Variants in ADAM18 observed in about 807,000 individuals in gnomAD.
ADAM18 encodes the protein ADAM metallopeptidase domain 18.
In ADAM18, 117 loss-of-function variants were observed where a neutral mutation model predicts 94.4. That is an observed-to-expected ratio of 1.24 (90% CI 1.07 to 1.45). The LOEUF is 1.45. Among genes scored for constraint, ADAM18 ranks in the 40% most tolerant of loss-of-function variants. ADAM18 has a pLI of 0.00. For synonymous variants in ADAM18, 327 were observed against 291.6 expected (o/e 1.12, Z -1.24); for missense variants, 936 against 880.0 (o/e 1.06, Z -0.81).
intron 13 of ADAM18, among the ~76,000 whole-genome samples, chr8:39,666,135 T>G (rs1181500815): frequency 6.6e-6 from 1 of 152,196 alleles, no homozygotes; most frequent in African/African-American, 2.4e-5. Context: ...CCTCCTGGGC[T>G]GAAGCCATCC....
At chr8:39,586,794 ATCTATCTAT>A (rs1299997703) in intron 2 of ADAM18, among the ~76,000 whole-genome samples, 1 of 138,772 alleles carries the variant, frequency 7.2e-6, no homozygotes, top group Non-Finnish European at 1.6e-5. Flanking sequence ...CTATCTATCT[ATCTATCTAT>A]ATCTATCTAT....
At chr8:39,707,535 A>G (rs867066304) in intron 18 of ADAM18, among the ~76,000 whole-genome samples, 21 of 152,156 alleles carry the variant, frequency 1.4e-4, no homozygotes, top group African/African-American at 4.8e-4. Flanking sequence ...GTAGTTTGAG[A>G]TACATCTGCA....
At chr8:39,610,499 A>G (rs1256256901) in intron 5 of ADAM18, 30 bp from the exon 6 acceptor site, 1 of 1,562,344 alleles carries the variant, frequency 6.4e-7, no homozygotes, top group Admixed American at 1.9e-5. Flanking sequence ...GATTTTTATA[A>G]CTATTTTCTT....
chr8:39,694,292 T>G (rs1563309722), intron 17 of ADAM18, among the ~76,000 whole-genome samples: 1 of 151,386 alleles, frequency 6.6e-6, no homozygotes, highest in Admixed American at 6.6e-5. Context: ...CTATTATGAA[T>G]AAGTGTTAAA....
intron 18 of ADAM18, among the ~76,000 whole-genome samples, chr8:39,714,437 G>A (rs948498523): frequency 1.3e-5 from 2 of 151,860 alleles, no homozygotes; most frequent in East Asian, 1.9e-4. Context: ...TTAAAGTATA[G>A]TAACAATAAA....
In ADAM18 at chr8:39,723,801, C is replaced by A. The variant is rs746641797; in HGVS notation, c.2071C>A (p.Leu691Met). ...YNTHWNNWFI[L>M]SFCIFLPFFI... Reference sequence around the variant, plus strand: ...TACACACTGGAACAACTGGTTTATTCTGAGTTTCTGCATTTTTCTGCCGTT... The same window carrying A: ...TACACACTGGAACAACTGGTTTATTATGAGTTTCTGCATTTTTCTGCCGTT... The change falls in exon 19 of 20, where the codon CTG (leucine) becomes ATG (methionine). Residue 691 changes from leucine (L) to methionine (M), a missense_variant. Transcript: ENST00000265707. 9.5e-6 allele frequency: 15 copies of A among 1,587,272 alleles called. No individual in the cohort carries two copies. In the East Asian group the frequency reaches 3.2e-4, roughly 34 times the overall value.
intron 10 of ADAM18, among the ~76,000 whole-genome samples, chr8:39,639,533 A>G (rs996905482): frequency 6.6e-6 from 1 of 151,982 alleles, no homozygotes; most frequent in Non-Finnish European, 1.5e-5. Context: ...TATTGAAGTT[A>G]GAATGTAACA....
At chr8:39,595,129 T>C (rs1193449530) in intron 2 of ADAM18, among the ~76,000 whole-genome samples, 1 of 152,228 alleles carries the variant, frequency 6.6e-6, no homozygotes, top group African/African-American at 2.4e-5. Context: ...ATTTTCAGAT[T>C]GGATAATTTC....
At chr8:39,714,962 C>T (rs191955314) in intron 18 of ADAM18, among the ~76,000 whole-genome samples, 7 of 152,048 alleles carry the variant, frequency 4.6e-5, no homozygotes, top group East Asian at 1.9e-4. Flanking sequence ...ACCTTAATAC[C>T]ATGATCAGTC....
intron 17 of ADAM18, among the ~76,000 whole-genome samples, chr8:39,699,137 T>A (rs1821999102): frequency 6.6e-6 from 1 of 152,078 alleles, no homozygotes; most frequent in South Asian, 2.1e-4. Flanking sequence ...TGTGCCAAAT[T>A]GGTAAGGGCC....
intron 2 of ADAM18, among the ~76,000 whole-genome samples, chr8:39,596,412 T>C (rs957703496): frequency 6.6e-6 from 1 of 152,194 alleles, no homozygotes; most frequent in African/African-American, 2.4e-5. Context: ...CCAGAGTGTG[T>C]TATAATTGGA....
rs7833389 is a variant in ADAM18 at position 39,651,243 on chromosome 8, C to T, written c.1230+2716C>T. Among the ~76,000 whole-genome samples, 914 of 152,260 alleles carry T rather than the reference C, an allele frequency of 6.0e-3. 5 individuals carry two copies. The highest frequency in any genetic ancestry group is 0.021 in the African/African-American group (868 of 41,548). ...TATACAATCGGGTTTTACACCAAGA[C>T]GTTCCATTGCCCAGGGACAGCAGGA... is the stretch of plus-strand genomic sequence containing the variant. On this transcript the variant is annotated intron_variant, in intron 12 of 19. Coordinates refer to ENST00000265707, the MANE Select transcript of ADAM18 (RefSeq NM_014237.3).
At chr8:39,651,859 A>T (rs1585941341) in intron 12 of ADAM18, among the ~76,000 whole-genome samples, 1 of 152,190 alleles carries the variant, frequency 6.6e-6, no homozygotes, top group African/African-American at 2.4e-5. Context: ...AATATACTAT[A>T]AAGCTATAGT....
At chr8:39,628,947 T>C (rs1819852998) in intron 6 of ADAM18, among the ~76,000 whole-genome samples, 1 of 152,030 alleles carries the variant, frequency 6.6e-6, no homozygotes. Flanking sequence ...ATCACAATAT[T>C]TACCTGAATT....
chr8:39,585,303 C>CGGA lies in ADAM18; in HGVS notation c.83_84insGGA (p.Thr28_Val29insGlu). The stretch of plus-strand genomic sequence containing the variant: ...TCTGAAGGAATATTTCTGCATGTCA[C>CGGA]AGTTCCACGGAAGATTAAGTCAAAT... On this transcript the variant is annotated inframe_insertion, in exon 2 of 20. Transcript: ENST00000265707. The CGGA allele has an allele frequency of 6.2e-7, 1 of 1,613,360 alleles. No homozygotes were observed. The highest frequency in any genetic ancestry group is 1.6e-4 in the Middle Eastern group (1 of 6,062).
At chr8:39,611,411 T>A in intron 6 of ADAM18, 4 of 916,274 alleles carry the variant, frequency 4.4e-6, no homozygotes, top group Non-Finnish European at 5.0e-6. Flanking sequence ...TAAATTAGCT[T>A]GTGTGAATCC....
intron 12 of ADAM18, among the ~76,000 whole-genome samples, chr8:39,661,704 C>A (rs1440594295): frequency 6.6e-6 from 1 of 151,548 alleles, no homozygotes; most frequent in Non-Finnish European, 1.5e-5. Context: ...TAAAATGTAT[C>A]CCTCTATATG....
chr8:39,676,471 A>T (rs1274467461), intron 14 of ADAM18, among the ~76,000 whole-genome samples: 1 of 152,246 alleles, frequency 6.6e-6, no homozygotes. Context: ...GGAGAGAATC[A>T]TCTTGTCTGC....
intron 7 of ADAM18, among the ~76,000 whole-genome samples, chr8:39,635,169 A>T (rs1820043844): frequency 6.6e-6 from 1 of 152,028 alleles, no homozygotes; most frequent in African/African-American, 2.4e-5. Flanking sequence ...GGACTTCTCC[A>T]CTCCCAGAAA....
Sources: allele counts gnomAD v4.1 joint callset (sites outside exome capture counted in the v4.1 genomes callset), GRCh38; gene constraint gnomAD v4.1.1; transcripts MANE v1.5; gene names NCBI Gene and HGNC (gene_info 2026-07-23, HGNC 2026-07-21).